GMDS: variants seen among roughly 807,000 people sequenced by gnomAD.
GMDS encodes GDP-mannose 4,6-dehydratase, also known as GDP-mannose 4,6 dehydratase.
In GMDS, 20 loss-of-function variants were observed where a neutral mutation model predicts 49.9. The observed-to-expected ratio is 0.40, with a 90% CI of 0.28 to 0.58. The LOEUF (loss-of-function observed/expected upper bound fraction) is 0.58. GMDS is among the 20% of genes least tolerant of loss of function. The pLI is 0.42. For missense variants in GMDS, 362 were observed against 481.4 expected (o/e 0.75, Z 2.32); for synonymous variants, 177 against 178.6 (o/e 0.99, Z 0.07).
intron 6 of GMDS, among the ~76,000 whole-genome samples, chr6:1,945,478 C>T (rs1219530667): frequency 1.3e-5 from 2 of 152,088 alleles, no homozygotes; most frequent in African/African-American, 2.4e-5. Context: ...GACAACAGAC[C>T]ATAATACGCA....
At chr6:2,158,453 T>C (rs1027006712) in intron 1 of GMDS, among the ~76,000 whole-genome samples, 2 of 152,168 alleles carry the variant, frequency 1.3e-5, no homozygotes, top group Admixed American at 1.3e-4. Flanking sequence ...TGAAAAAGAA[T>C]TGTAAAGCAA....
intron 6 of GMDS, among the ~76,000 whole-genome samples, chr6:1,954,192 C>G (rs747995785): frequency 6.6e-6 from 1 of 152,204 alleles, no homozygotes; most frequent in African/African-American, 2.4e-5. Context: ...AAGGAAAAAG[C>G]AGTTTATTAA....
intron 9 of GMDS, among the ~76,000 whole-genome samples, chr6:1,644,598 G>A (rs1763431387): frequency 6.6e-6 from 1 of 152,144 alleles, no homozygotes; most frequent in Admixed American, 6.5e-5. Context: ...ATCTCCTGTC[G>A]GGAGGAGCCA....
intron 9 of GMDS, among the ~76,000 whole-genome samples, chr6:1,721,577 C>T (rs1167147110): frequency 2.0e-5 from 3 of 151,996 alleles, no homozygotes; most frequent in Non-Finnish European, 4.4e-5. Context: ...TATCCCATTT[C>T]CCAAGATGCT....
intron 7 of GMDS, among the ~76,000 whole-genome samples, chr6:1,839,171 GTCTACA>G (rs1169624357): frequency 6.6e-6 from 1 of 152,054 alleles, no homozygotes; most frequent in Non-Finnish European, 1.5e-5. Context: ...AAGTGAGCAT[GTCTACA>G]TTTGTTTTAG....
rs1328105267 is a variant in GMDS at position 1,766,876 on chromosome 6, G to A, written c.772-24290C>T. Among the ~76,000 whole-genome samples, 1 of 152,208 alleles carries A rather than the reference G, an allele frequency of 6.6e-6. No homozygotes were observed. The highest frequency in any genetic ancestry group is 2.4e-5 in the African/African-American group (1 of 41,460). On this transcript the variant is annotated intron_variant, in intron 7 of 10. Coordinates refer to ENST00000380815, the MANE Select transcript of GMDS (RefSeq NM_001500.4). The surrounding 1 kb of genome is among the most constrained non-coding windows in gnomAD (Gnocchi z 4.5). ...GCAATGGGCCAGATCTGGTCAGCTA[G>A]GTCTCCCAGCTCAGCAATCTGGCTT...
chr6:1,882,131 TG>T (rs1474967107), intron 7 of GMDS, among the ~76,000 whole-genome samples: 1 of 152,224 alleles, frequency 6.6e-6, no homozygotes, highest in Non-Finnish European at 1.5e-5. Context: ...AAACATGGTG[TG>T]GTATTTTCAA....
chr6:2,216,518 T>C (rs1203059606), intron 1 of GMDS, among the ~76,000 whole-genome samples: 1 of 152,144 alleles, frequency 6.6e-6, no homozygotes, highest in Non-Finnish European at 1.5e-5. Context: ...CGTGTGCACA[T>C]GGGTAAACTG....
At chr6:1,910,309 A>T (rs1156332753) in intron 7 of GMDS, among the ~76,000 whole-genome samples, 1 of 150,158 alleles carries the variant, frequency 6.7e-6, no homozygotes, top group Non-Finnish European at 1.5e-5. Context: ...ATAATAAATG[A>T]AACTGAAAAA....
intron 4 of GMDS, among the ~76,000 whole-genome samples, chr6:2,005,077 T>G (rs2127386929): frequency 6.6e-6 from 1 of 152,276 alleles, no homozygotes; most frequent in East Asian, 1.9e-4. Context: ...AACAAAGTCC[T>G]GTTGTAAGTA....
At chr6:1,782,664 G>A (rs1167543371) in intron 7 of GMDS, among the ~76,000 whole-genome samples, 1 of 152,170 alleles carries the variant, frequency 6.6e-6, no homozygotes, top group Non-Finnish European at 1.5e-5. Context: ...TCTTGGCAAA[G>A]GCAAATATTA....
chr6:1,844,115 T>G (rs1196214200), intron 7 of GMDS, among the ~76,000 whole-genome samples: 1 of 152,240 alleles, frequency 6.6e-6, no homozygotes, highest in African/African-American at 2.4e-5. Context: ...TTAGATATAC[T>G]GACAGATCGA....
At chr6:1,711,127 C>T (rs534835777) in intron 9 of GMDS, among the ~76,000 whole-genome samples, 9 of 152,300 alleles carry the variant, frequency 5.9e-5, no homozygotes, top group African/African-American at 2.2e-4. Context: ...GGGGAATCAG[C>T]TTTTATCTAA....
intron 4 of GMDS, among the ~76,000 whole-genome samples, chr6:2,111,371 A>G (rs1018568370): frequency 1.3e-5 from 2 of 152,208 alleles, no homozygotes; most frequent in African/African-American, 4.8e-5. Flanking sequence ...TTTCTCCCAC[A>G]TAAGATCAAA....
At chr6:1,724,756 A>G (rs1394489967) in intron 9 of GMDS, among the ~76,000 whole-genome samples, 1 of 152,190 alleles carries the variant, frequency 6.6e-6, no homozygotes, top group Non-Finnish European at 1.5e-5. Context: ...AGTCCCTGCT[A>G]TGTCAGCACA....
At chr6:1,867,388 G>A (rs1758490743) in intron 7 of GMDS, among the ~76,000 whole-genome samples, 1 of 152,244 alleles carries the variant, frequency 6.6e-6, no homozygotes, top group Admixed American at 6.5e-5. Flanking sequence ...AATTAGGTGT[G>A]TGTTTAAAAA....
chr6:1,939,380 C>T (rs570534873), intron 6 of GMDS, among the ~76,000 whole-genome samples: 13 of 151,820 alleles, frequency 8.6e-5, no homozygotes, highest in Admixed American at 6.6e-4. Context: ...GATACTAACA[C>T]CTGGGATGCT....
chr6:2,126,916 G>T (rs978010169), intron 1 of GMDS, among the ~76,000 whole-genome samples: 4 of 152,206 alleles, frequency 2.6e-5, no homozygotes, highest in African/African-American at 9.7e-5. Flanking sequence ...TCAGGCGTTA[G>T]CCACCATGCC....
At chr6:2,192,145 T>C (rs767587531) in intron 1 of GMDS, among the ~76,000 whole-genome samples, 1 of 152,198 alleles carries the variant, frequency 6.6e-6, no homozygotes, top group Admixed American at 6.5e-5. Context: ...TAGGGCCTCC[T>C]CTGTGCCGAC....
Sources: gnomAD v4.1 joint callset for allele counts (sites outside exome capture counted in the v4.1 genomes callset) on GRCh38, gnomAD v4.1.1 for gene constraint, Gnocchi (gnomAD v3.1) non-coding constraint, MANE v1.5 for transcripts, NCBI Gene and HGNC (gene_info 2026-07-23, HGNC 2026-07-21) for gene names.